Variants in TOM1L2 observed in about 807,000 individuals in gnomAD.
TOM1L2 encodes TOM1-like protein 2.
In TOM1L2, 31 loss-of-function variants were observed where a neutral mutation model predicts 67.9. That is an observed-to-expected ratio of 0.46 (90% CI 0.34 to 0.62). The LOEUF is 0.62. Ranked by LOEUF, TOM1L2 falls within the 20% of genes least tolerant of loss-of-function variation. The probability of loss-of-function intolerance (pLI) is 0.01; values close to 1 mark genes in which losing one functional copy is unlikely to be tolerated. For missense variants in TOM1L2, 606 were observed against 663.5 expected, an observed-to-expected ratio of 0.91 and a Z score of 0.95; for synonymous variants, 256 against 254.0, an observed-to-expected ratio of 1.01 and a Z score of -0.07.
chr17:17,908,952 G>C (rs1017547901), intron 1 of TOM1L2, among the ~76,000 whole-genome samples: 1 of 152,146 alleles, frequency 6.6e-6, no homozygotes, highest in Non-Finnish European at 1.5e-5. Context: ...GGAGGCCAAG[G>C]AGGATGGATC....
intron 1 of TOM1L2, among the ~76,000 whole-genome samples, chr17:17,933,835 AT>A (rs2144723161): frequency 6.6e-6 from 1 of 152,310 alleles, no homozygotes; most frequent in African/African-American, 2.4e-5. Flanking sequence ...GTATTGGCTT[AT>A]TTTTTTAATC....
At chr17:17,891,213 G>A (rs2038255597) in intron 4 of TOM1L2, among the ~76,000 whole-genome samples, 1 of 152,248 alleles carries the variant, frequency 6.6e-6, no homozygotes, top group African/African-American at 2.4e-5. Flanking sequence ...GGAGGCCTCA[G>A]AACATGGTGC....
intron 1 of TOM1L2, among the ~76,000 whole-genome samples, chr17:17,966,021 T>C (rs1377938629): frequency 1.3e-5 from 2 of 152,234 alleles, no homozygotes; most frequent in East Asian, 3.9e-4. Context: ...CTTGGGAGGC[T>C]GAGACAGGAG....
rs1214475621 is a variant in TOM1L2, at chr17:17,848,856, C to A, written c.1342G>T (p.Gly448Cys). The A allele has an allele frequency of 6.2e-7, 1 of 1,614,158 alleles. No homozygotes were observed. Among genetic ancestry groups the A allele is most frequent in the East Asian group, 2.2e-5 (1 of 44,876 alleles). Residue 448 changes from glycine (G) to cysteine (C), a missense_variant, in exon 14 of 15, where the codon GGT becomes TGT. Physicochemically the swap from Gly to Cys is radical, Grantham distance 159. Coordinates refer to ENST00000379504, the MANE Select transcript of TOM1L2 (RefSeq NM_001082968.2). ...GTGACACCCTCCTCCAGATCATCACCCTTCTGTGGGAGGAGCAGAGAAAAT... is the reference window on the plus strand; with the variant it reads ...GTGACACCCTCCTCCAGATCATCACACTTCTGTGGGAGGAGCAGAGAAAAT... ...IEVWLRTDLK[G>C]DDLEEGVTSE...
intron 14 of TOM1L2, 151 bp downstream of exon 14, chr17:17,848,672 T>C (rs2035785816): frequency 7.9e-6 from 6 of 759,386 alleles, no homozygotes; most frequent in African/African-American, 1.7e-5. Context: ...AAGACCTGGG[T>C]GGGACAAAGC....
intron 1 of TOM1L2, among the ~76,000 whole-genome samples, chr17:17,945,290 A>ACTCT (rs945614441): frequency 3.3e-4 from 48 of 146,498 alleles, no homozygotes; most frequent in South Asian, 1.5e-3. Flanking sequence ...ACACACACAC[A>ACTCT]CTCTCTCTCT....
intron 1 of TOM1L2, among the ~76,000 whole-genome samples, chr17:17,945,253 A>G (rs769266819): frequency 6.6e-6 from 1 of 150,486 alleles, no homozygotes; most frequent in African/African-American, 2.5e-5. Flanking sequence ...CAAATGTTTC[A>G]CCACACACAC....
intron 3 of TOM1L2, among the ~76,000 whole-genome samples, 156 bp from the exon 4 acceptor site, chr17:17,893,966 C>T (rs1050243954): frequency 7.2e-5 from 11 of 152,184 alleles, no homozygotes; most frequent in African/African-American, 1.7e-4. Context: ...GCATGGCACA[C>T]GCATTCCCAC....
chr17:17,870,528 C>A (rs958509269), intron 7 of TOM1L2, among the ~76,000 whole-genome samples: 4 of 152,170 alleles, frequency 2.6e-5, no homozygotes, highest in Non-Finnish European at 4.4e-5. Context: ...ATGCTGTTCC[C>A]ACCTACCTGG....
At chr17:17,956,553 G>A (rs1368921716) in intron 1 of TOM1L2, among the ~76,000 whole-genome samples, 4 of 152,338 alleles carry the variant, frequency 2.6e-5, no homozygotes, top group Admixed American at 6.5e-5. Context: ...AGGGGTTTGC[G>A]CTCCTTGGGG....
In TOM1L2 at chr17:17,882,715, T is replaced by C. The variant is rs753411232; in HGVS notation, c.650A>G (p.Asn217Ser). ...GAAGTATGCAAGTACCTGTTCTGAATTGGCTGTGATGGGGCCAGTCACACT... is the reference window on the plus strand; with the variant it reads ...GAAGTATGCAAGTACCTGTTCTGAACTGGCTGTGATGGGGCCAGTCACACT... ...ALSVTGPITANSEQIARLRSE... is the reference protein window; with the variant it reads ...ALSVTGPITASSEQIARLRSE... Residue 217 changes from asparagine (N) to serine (S), a missense_variant, in exon 6 of 15, where the codon AAT becomes AGT. Asn to Ser is a conservative substitution (Grantham distance 46). Transcript: ENST00000379504. 3.3e-5 allele frequency: 54 copies of C among 1,614,146 alleles called. No individual in the cohort carries two copies. The highest frequency in any genetic ancestry group is 3.0e-4 in the Admixed American group (18 of 60,020).
intron 2 of TOM1L2, among the ~76,000 whole-genome samples, chr17:17,906,888 T>TA (rs774084956): frequency 7.2e-5 from 11 of 152,260 alleles, no homozygotes; most frequent in Non-Finnish European, 1.5e-4. Context: ...GAAGTACAAA[T>TA]AGAGTGCAGC....
At chr17:17,918,672 A>T (rs755082666) in intron 1 of TOM1L2, among the ~76,000 whole-genome samples, 13 of 152,158 alleles carry the variant, frequency 8.5e-5, no homozygotes, top group Non-Finnish European at 1.6e-4. Context: ...TCCTCTCCAG[A>T]ACCTTCTTTG....
At chr17:17,933,653 T>G (rs1415730190) in intron 1 of TOM1L2, among the ~76,000 whole-genome samples, 1 of 152,194 alleles carries the variant, frequency 6.6e-6, no homozygotes, top group Non-Finnish European at 1.5e-5. Context: ...GGTCTAGATC[T>G]GGCTTTAAAA....
At chr17:17,849,592 G>C (rs906294816) in intron 13 of TOM1L2, among the ~76,000 whole-genome samples, 8 of 152,326 alleles carry the variant, frequency 5.3e-5, no homozygotes, top group African/African-American at 1.9e-4. Flanking sequence ...GTAGTGTCTT[G>C]AGCTCATGGG....
At chr17:17,921,066 G>A (rs1433931012) in intron 1 of TOM1L2, among the ~76,000 whole-genome samples, 1 of 152,158 alleles carries the variant, frequency 6.6e-6, no homozygotes, top group African/African-American at 2.4e-5. Flanking sequence ...TTCTGCTCAT[G>A]ATCCGATCCA....
intron 12 of TOM1L2, among the ~76,000 whole-genome samples, chr17:17,854,532 T>C (rs547362311): frequency 5.9e-5 from 9 of 152,084 alleles, no homozygotes; most frequent in African/African-American, 2.2e-4. Flanking sequence ...TTTAATTAAT[T>C]AATTTATTTA....
At chr17:17,853,767 C>T (rs1452736147) in intron 12 of TOM1L2, among the ~76,000 whole-genome samples, 3 of 152,202 alleles carry the variant, frequency 2.0e-5, no homozygotes, top group Non-Finnish European at 4.4e-5. Context: ...CTTTCTTCAC[C>T]GGAGAGCTCC....
intron 7 of TOM1L2, chr17:17,872,096 C>T (rs1433346468): frequency 3.1e-6 from 3 of 964,438 alleles, no homozygotes; most frequent in Non-Finnish European, 2.5e-6. Context: ...CGCCAATGGA[C>T]ACTCACAGGT....
Sources: gnomAD v4.1 joint callset for allele counts (sites outside exome capture counted in the v4.1 genomes callset) on GRCh38, gnomAD v4.1.1 for gene constraint, MANE v1.5 for transcripts, NCBI Gene and HGNC (gene_info 2026-07-23, HGNC 2026-07-21) for gene names.